The following KPNA1 variants were observed in gnomAD, a reference collection of about 807,000 sequenced individuals.
KPNA1 encodes the protein importin subunit alpha-5.
KPNA1 carries 10 observed loss-of-function variants against 70.5 expected under a neutral mutation model. The ratio of observed to expected loss-of-function variants is 0.14; its 90% CI spans 0.09 to 0.24. The LOEUF is 0.24. Ranked by LOEUF, KPNA1 falls within the 10% of genes least tolerant of loss-of-function variation. The pLI, the probability that KPNA1 is intolerant of heterozygous loss-of-function variation, is 1.00. For missense variants in KPNA1, 397 were observed against 637.9 expected (o/e 0.62, Z 4.07); for synonymous variants, 192 against 221.9 (o/e 0.87, Z 1.20).
chr3:122,467,569 T>C, intron 2 of KPNA1, 140 bp from the exon 3 acceptor site: 1 of 521,360 alleles, frequency 1.9e-6, no homozygotes, highest in East Asian at 3.4e-5. Flanking sequence ...CTTTTACTGA[T>C]GAGTAACCAT....
intron 12 of KPNA1, among the ~76,000 whole-genome samples, chr3:122,430,869 CTG>C (rs2075896117): frequency 6.6e-6 from 1 of 152,172 alleles, no homozygotes; most frequent in African/African-American, 2.4e-5. Flanking sequence ...ATACCCAAGA[CTG>C]AGGCTTTCAT....
chr3:122,510,179 AG>A (rs1192863462), intron 1 of KPNA1, among the ~76,000 whole-genome samples: 5 of 152,358 alleles, frequency 3.3e-5, no homozygotes, highest in South Asian at 2.1e-4. Flanking sequence ...GTAAGATGTC[AG>A]GAAGTTTTTG....
intron 5 of KPNA1, among the ~76,000 whole-genome samples, chr3:122,459,210 CT>C (rs1408924384): frequency 2.0e-5 from 3 of 152,098 alleles, no homozygotes; most frequent in African/African-American, 7.2e-5. Flanking sequence ...TGTACTTGTA[CT>C]TTTTAAGGAG....
At chr3:122,442,641 A>G (rs1320822214) in intron 9 of KPNA1, 1 of 153,322 alleles carries the variant, frequency 6.5e-6, no homozygotes, top group African/African-American at 2.4e-5. Context: ...AAACCACTCC[A>G]CAAAGCCATA....
chr3:122,422,139 T>G lies in KPNA1; in HGVS notation c.*4846A>C, dbSNP rs1269115146. 2 of 152,176 alleles carry G rather than the reference T, an allele frequency of 1.3e-5. No individual in the cohort carries two copies. The highest frequency in any genetic ancestry group is 2.9e-5 in the Non-Finnish European group (2 of 68,030). 9.4% of individuals were successfully genotyped at this position (152,176 alleles called of 1,614,324 possible). On this transcript the variant is annotated 3_prime_UTR_variant, in exon 14 of 14. Transcript: ENST00000344337. The stretch of plus-strand genomic sequence containing the variant: ...CAGAAACACTCAACAACCAGTACAT[T>G]AAAAGGTGATTTTAATTTTTGACAT...
intron 5 of KPNA1, 29 bp from the exon 6 acceptor site, chr3:122,454,030 C>A (rs1180415241): frequency 2.0e-6 from 3 of 1,473,582 alleles, no homozygotes; most frequent in South Asian, 1.3e-5. Flanking sequence ...TTTTCATTAT[C>A]TTTTTAGAAT....
chr3:122,452,904 A>G (rs1455590185), intron 6 of KPNA1, among the ~76,000 whole-genome samples: 1 of 152,188 alleles, frequency 6.6e-6, no homozygotes, highest in Non-Finnish European at 1.5e-5. Context: ...GAACAAAAAG[A>G]AACTTGCTTT....
At chr3:122,488,749 T>C (rs1350191020) in intron 2 of KPNA1, among the ~76,000 whole-genome samples, 1 of 152,228 alleles carries the variant, frequency 6.6e-6, no homozygotes, top group Non-Finnish European at 1.5e-5. Context: ...ATGTCATCCT[T>C]ATCTCTGTTC....
At chr3:122,430,399 T>C (rs374907216) in intron 12 of KPNA1, among the ~76,000 whole-genome samples, 18 of 152,310 alleles carry the variant, frequency 1.2e-4, no homozygotes, top group African/African-American at 4.3e-4. Context: ...TCAACTGATT[T>C]ATATTAATTA....
intron 2 of KPNA1, among the ~76,000 whole-genome samples, chr3:122,488,377 C>T (rs1463324182): frequency 6.6e-6 from 1 of 151,750 alleles, no homozygotes; most frequent in South Asian, 2.1e-4. Flanking sequence ...TTTTAATCAG[C>T]CAGATGTAGT....
intron 2 of KPNA1, among the ~76,000 whole-genome samples, chr3:122,493,438 G>A (rs1027983190): frequency 2.0e-5 from 3 of 151,908 alleles, no homozygotes; most frequent in African/African-American, 4.8e-5. Context: ...ACGAGTTAGA[G>A]TGGAGGAAGA....
At position 122,473,471 on chromosome 3, in the gene KPNA1, C is replaced by T. The variant is rs554498653; in HGVS notation, c.130-6042G>A. Among the ~76,000 whole-genome samples the T allele has an allele frequency of 2.0e-4, 30 of 152,206 alleles. No individual in the cohort carries two copies. The South Asian group carries it at 2.5e-3, about 13-fold the overall frequency. On this transcript the variant is annotated intron_variant, in intron 2 of 13. Transcript: ENST00000344337. ...TTTATGAACACAGGTGCAAAATCCT[C>T]AACAAAACATTAGCAAAACAAACCC...
At position 122,423,808 on chromosome 3, in the gene KPNA1, ATC is replaced by A. The variant is rs1286785158; in HGVS notation, c.*3175_*3176del. On this transcript the variant is annotated 3_prime_UTR_variant, in exon 14 of 14. Coordinates refer to ENST00000344337, the MANE Select transcript of KPNA1 (RefSeq NM_002264.4). ...TATGAGATTAATTGCCAATCTTTTT[ATC>A]TGTGACGATAATGCCAAAAATGACT... The A allele has an allele frequency of 6.6e-6, 1 of 152,644 alleles. No homozygotes were observed. The highest frequency in any genetic ancestry group is 1.5e-5 in the Non-Finnish European group (1 of 68,034). 9.5% of individuals were successfully genotyped at this position (152,644 alleles called of 1,614,324 possible).
intron 1 of KPNA1, among the ~76,000 whole-genome samples, chr3:122,511,077 A>G (rs1353404771): frequency 3.9e-5 from 6 of 152,320 alleles, no homozygotes; most frequent in Admixed American, 3.3e-4. Context: ...ATCACCTTGC[A>G]CACGTAATCA....
intron 11 of KPNA1, 127 bp downstream of exon 11, chr3:122,437,043 G>C: frequency 1.2e-6 from 1 of 866,668 alleles, no homozygotes; most frequent in South Asian, 1.7e-5. Flanking sequence ...GCCTCCCAGA[G>C]TGCTGGGATT....
chr3:122,477,841 C>T (rs547668214), intron 2 of KPNA1, among the ~76,000 whole-genome samples: 6 of 145,552 alleles, frequency 4.1e-5, no homozygotes, highest in Admixed American at 6.9e-5. Flanking sequence ...ATTTTATTTG[C>T]CATTTGAAAT....
At chr3:122,513,834 G>A (rs1193507008) in intron 1 of KPNA1, among the ~76,000 whole-genome samples, 2 of 152,204 alleles carry the variant, frequency 1.3e-5, no homozygotes, top group South Asian at 2.1e-4. Flanking sequence ...GGAAGCTGAG[G>A]CAAGAGGACA....
chr3:122,476,990 G>GT (rs1157018900), intron 2 of KPNA1, among the ~76,000 whole-genome samples: 1 of 151,908 alleles, frequency 6.6e-6, no homozygotes, highest in Non-Finnish European at 1.5e-5. Flanking sequence ...CAGGTTCACT[G>GT]TAACATTATT....
At position 122,467,032 on chromosome 3, in the gene KPNA1, TAA is replaced by T. The variant is rs2076388592; in HGVS notation, c.237+288_237+289del. 2.6e-5 allele frequency among the ~76,000 whole-genome samples: 4 copies of T among 151,162 alleles called. No individual in the cohort carries two copies. In the South Asian group the frequency reaches 8.3e-4, roughly 31 times the overall value. On this transcript the variant is annotated intron_variant, in intron 3 of 13. Transcript: ENST00000344337. ...ATAAATAAATAAATAAATAAATAAA[TAA>T]ATAAATAAATAAATAAATAAGGTGT...
Sources: gnomAD v4.1 joint callset for allele counts (sites outside exome capture counted in the v4.1 genomes callset) on GRCh38, gnomAD v4.1.1 for gene constraint, MANE v1.5 for transcripts, NCBI Gene and HGNC (gene_info 2026-07-23, HGNC 2026-07-21) for gene names.